TRIQK: variants seen among roughly 807,000 people sequenced by gnomAD.
TRIQK encodes the protein triple QxxK/R motif-containing protein.
In TRIQK, 10 loss-of-function variants were observed where a neutral mutation model predicts 10.8. That is an observed-to-expected ratio of 0.92 (90% CI 0.57 to 1.57). TRIQK has a LOEUF of 1.57. Among genes scored for constraint, TRIQK ranks in the 40% most tolerant of loss-of-function variants. TRIQK has a pLI of 0.00. For missense variants in TRIQK, 107 were observed against 97.7 expected, an observed-to-expected ratio of 1.09 and a Z score of -0.40; for synonymous variants, 33 against 33.7, an observed-to-expected ratio of 0.98 and a Z score of 0.07.
At chr8:92,953,879 A>G (rs1812038111) in intron 2 of TRIQK, 1 of 151,910 alleles carries the variant, frequency 6.6e-6, no homozygotes, top group Admixed American at 6.6e-5. Flanking sequence ...ACAGAGGCCC[A>G]TATTCTTCCA....
chr8:92,968,264 G>A (rs527688502), upstream of TRIQK, among the ~76,000 whole-genome samples: 18 of 152,204 alleles, frequency 1.2e-4, no homozygotes, highest in South Asian at 1.0e-3. Flanking sequence ...ATAAACATAC[G>A]TTGGCATGTG....
upstream of TRIQK, among the ~76,000 whole-genome samples, chr8:92,969,438 C>T (rs957891258): frequency 1.3e-5 from 2 of 151,376 alleles, no homozygotes; most frequent in African/African-American, 4.9e-5. Flanking sequence ...TATTATAACC[C>T]AACATATGGT....
intron 3 of TRIQK, among the ~76,000 whole-genome samples, chr8:92,907,237 T>A (rs1391430509): frequency 6.6e-6 from 1 of 152,184 alleles, no homozygotes; most frequent in Non-Finnish European, 1.5e-5. Context: ...TCACATCCTA[T>A]AAAACTAAGA....
chr8:93,011,995 G>C (rs1206742401), intron 1 of TRIQK, among the ~76,000 whole-genome samples: 1 of 152,068 alleles, frequency 6.6e-6, no homozygotes, highest in Non-Finnish European at 1.5e-5. Flanking sequence ...GGGGACAGAT[G>C]GAAAATATTT....
At chr8:92,933,956 T>C (rs942306417) in intron 2 of TRIQK, among the ~76,000 whole-genome samples, 1 of 152,048 alleles carries the variant, frequency 6.6e-6, no homozygotes, top group East Asian at 1.9e-4. Flanking sequence ...TTCAAGTAAT[T>C]AGGTTTCCAA....
At chr8:93,017,139 G>T (rs1813392122) in intron 1 of TRIQK, among the ~76,000 whole-genome samples, 2 of 147,778 alleles carry the variant, frequency 1.4e-5, no homozygotes, top group South Asian at 4.4e-4. Context: ...GAGAGAGAGA[G>T]AGAGAGAGAG....
chr8:92,998,744 A>G (rs552196219), intron 1 of TRIQK, among the ~76,000 whole-genome samples: 1 of 152,240 alleles, frequency 6.6e-6, no homozygotes, highest in South Asian at 2.1e-4. Context: ...CATAAGGACT[A>G]CAAAAATGAA....
At chr8:92,955,960 G>A (rs531962192) in intron 1 of TRIQK, among the ~76,000 whole-genome samples, 124 of 151,828 alleles carry the variant, frequency 8.2e-4, no homozygotes, top group African/African-American at 2.9e-3. Flanking sequence ...ATACATTGCT[G>A]GTAGAAATGT....
At chr8:92,950,200 G>GTT (rs1811821661) in intron 2 of TRIQK, among the ~76,000 whole-genome samples, 1 of 152,102 alleles carries the variant, frequency 6.6e-6, no homozygotes, top group Non-Finnish European at 1.5e-5. Context: ...TAGAAAGTAA[G>GTT]TTTTTTATAT....
At chr8:92,964,272 G>A (rs1812615210) in intron 1 of TRIQK, among the ~76,000 whole-genome samples, 1 of 152,020 alleles carries the variant, frequency 6.6e-6, no homozygotes, top group East Asian at 1.9e-4. Flanking sequence ...GCAAGTGGGA[G>A]AGAATAATTT....
intron 3 of TRIQK, among the ~76,000 whole-genome samples, chr8:92,915,577 G>A (rs768107228): frequency 1.1e-4 from 17 of 151,252 alleles, no homozygotes; most frequent in Non-Finnish European, 2.1e-4. Context: ...TCTGCCTCCC[G>A]GGTTCCCGGG....
In TRIQK at chr8:92,885,416, C is replaced by T. The variant is rs1436305744; in HGVS notation, c.*1206G>A. ...ATAAAACACTTTGTGCACATGTTTC[C>T]AACAATTTCATTTTCTATGCATCTT... is the stretch of plus-strand genomic sequence containing the variant. On this transcript the variant is annotated 3_prime_UTR_variant, in exon 5 of 5. Coordinates refer to ENST00000521988, the MANE Select transcript of TRIQK (RefSeq NM_001171797.2). The T allele has an allele frequency of 6.4e-6, 1 of 156,878 alleles. No individual in the cohort carries two copies. Among genetic ancestry groups the T allele is most frequent in the South Asian group, 1.9e-4 (1 of 5,344 alleles). 9.7% of individuals were successfully genotyped at this position (156,878 alleles called of 1,614,324 possible).
At position 92,885,118 on chromosome 8, in the gene TRIQK, G is replaced by A. The variant is rs1816407342; in HGVS notation, c.*1504C>T. 1.7e-5 allele frequency: 7 copies of A among 421,784 alleles called. No individual in the cohort carries two copies. The highest frequency in any genetic ancestry group is 8.3e-5 in the South Asian group (5 of 60,440). 26.1% of individuals were successfully genotyped at this position (421,784 alleles called of 1,614,324 possible). On this transcript the variant is annotated 3_prime_UTR_variant, in exon 5 of 5. Coordinates refer to ENST00000521988, the MANE Select transcript of TRIQK (RefSeq NM_001171797.2). ...TAACACCGGCTAAATTTTGCCCTCA[G>A]ATGTTTGGCATAAATGATTTGTGAG...
At chr8:92,989,875 T>C (rs552797572) in intron 1 of TRIQK, among the ~76,000 whole-genome samples, 1 of 152,104 alleles carries the variant, frequency 6.6e-6, no homozygotes, top group Admixed American at 6.5e-5. Context: ...CACATTTGAC[T>C]ACGTAAAAGA....
At chr8:92,920,545 A>C (rs1356831509) in intron 2 of TRIQK, among the ~76,000 whole-genome samples, 1 of 151,340 alleles carries the variant, frequency 6.6e-6, no homozygotes, top group Non-Finnish European at 1.5e-5. Context: ...GAAAAAAAAA[A>C]GAGAGAGAGA....
intron 4 of TRIQK, 54 bp downstream of exon 4, chr8:92,891,934 GA>G (rs774520093): frequency 1.6e-6 from 2 of 1,236,108 alleles, no homozygotes; most frequent in South Asian, 1.5e-5. Context: ...TCCAGTTTTA[GA>G]AAATGAAATG....
At chr8:92,906,100 A>G (rs2130379325) in intron 3 of TRIQK, among the ~76,000 whole-genome samples, 1 of 152,300 alleles carries the variant, frequency 6.6e-6, no homozygotes, top group South Asian at 2.1e-4. Context: ...CCAAAGGGCA[A>G]TGAAAAAGGG....
At chr8:92,899,455 A>G (rs181125691) in intron 3 of TRIQK, among the ~76,000 whole-genome samples, 103 of 151,986 alleles carry the variant, frequency 6.8e-4, no homozygotes, top group African/African-American at 2.3e-3. Context: ...CATGAGTTCA[A>G]TTGTTTAAAT....
chr8:92,972,180 A>T (rs914566070), intron 1 of TRIQK, among the ~76,000 whole-genome samples: 4 of 152,090 alleles, frequency 2.6e-5, no homozygotes, highest in African/African-American at 9.7e-5. Context: ...TGTATACAAT[A>T]TATTGTTGAA....
Sources: allele counts gnomAD v4.1 joint callset (sites outside exome capture counted in the v4.1 genomes callset), GRCh38; gene constraint gnomAD v4.1.1; transcripts MANE v1.5; gene names NCBI Gene and HGNC (gene_info 2026-07-23, HGNC 2026-07-21).